CPNE3: variants seen among roughly 807,000 people sequenced by gnomAD.
CPNE3 encodes copine 3.
In CPNE3, 68 loss-of-function variants were observed where a neutral mutation model predicts 63.9. The ratio of observed to expected loss-of-function variants is 1.06; its 90% confidence interval spans 0.87 to 1.30. CPNE3 has a LOEUF of 1.30. Among genes scored for constraint, CPNE3 ranks in the 50% most tolerant of loss-of-function variants. The pLI, the probability that CPNE3 is intolerant of heterozygous loss-of-function variation, is 0.00. For missense variants in CPNE3, 665 were observed against 578.1 expected, an observed-to-expected ratio of 1.15 and a Z score of -1.54; for synonymous variants, 219 against 197.5, an observed-to-expected ratio of 1.11 and a Z score of -0.91.
In CPNE3 at chr8:86,559,999, G is replaced by A. The variant is rs1821403627; in HGVS notation, c.*1589G>A. On this transcript the variant is annotated 3_prime_UTR_variant, in exon 17 of 17. Coordinates refer to ENST00000517490, the MANE Select transcript of CPNE3 (RefSeq NM_003909.5). Reference sequence around the variant, plus strand: ...CTCATTGCCAAGGCCAGGCTGAGAGGGGACCTGCTTGCTGTGGTGGTTGCC... The same window carrying A: ...CTCATTGCCAAGGCCAGGCTGAGAGAGGACCTGCTTGCTGTGGTGGTTGCC... 6.6e-6 allele frequency: 1 copy of A among 152,204 alleles called. No homozygotes were observed. The highest frequency in any genetic ancestry group is 2.4e-5 in the African/African-American group (1 of 41,454). The allele number at this position is 152,204 out of a possible 1,614,324, so 9.4% of individuals were successfully genotyped here. A position where few individuals can be genotyped will look rare whatever the true frequency, so the allele number is the denominator to read the frequency against.
At chr8:86,545,873 AAC>A (rs1202411082) in intron 9 of CPNE3, among the ~76,000 whole-genome samples, 3 of 152,244 alleles carry the variant, frequency 2.0e-5, no homozygotes, top group Non-Finnish European at 4.4e-5. Flanking sequence ...ACTTGAAAAT[AAC>A]ACAGAGTATG....
intron 5 of CPNE3, among the ~76,000 whole-genome samples, chr8:86,531,510 T>C (rs540461394): frequency 1.3e-5 from 2 of 152,354 alleles, no homozygotes; most frequent in South Asian, 4.1e-4. Flanking sequence ...TGGAAGTGTC[T>C]ATTCTTACGT....
chr8:86,525,757 G>A (rs989799669), intron 2 of CPNE3, among the ~76,000 whole-genome samples: 5 of 152,036 alleles, frequency 3.3e-5, no homozygotes, highest in Non-Finnish European at 7.4e-5. Flanking sequence ...TTTTCTGCTG[G>A]CTGGTAGAGA....
At chr8:86,532,400 C>A in intron 5 of CPNE3, 109 bp from the exon 6 acceptor site, 1 of 641,218 alleles carries the variant, frequency 1.6e-6, no homozygotes, top group Non-Finnish European at 2.5e-6. Flanking sequence ...TTTTAGAATT[C>A]ATTTATATTA....
chr8:86,530,170 CTTT>C (rs71275863), intron 4 of CPNE3, among the ~76,000 whole-genome samples: 55 of 122,594 alleles, frequency 4.5e-4, no homozygotes, highest in Non-Finnish European at 4.3e-4. Flanking sequence ...AAATTGAATC[CTTT>C]TTTTTTTTTT....
rs963636067 is a variant in CPNE3, at chr8:86,560,485, A to C, written c.*2075A>C. On this transcript the variant is annotated 3_prime_UTR_variant, in exon 17 of 17. Coordinates refer to ENST00000517490, the MANE Select transcript of CPNE3 (RefSeq NM_003909.5). ...ACAAGGTGCTTGGGAACTGCTGGTT[A>C]TGAGCATTCCTGGTTTTCTTCAGCC... 1 of 152,210 alleles carries C rather than the reference A, an allele frequency of 6.6e-6. No individual in the cohort carries two copies. Among genetic ancestry groups the C allele is most frequent in the African/African-American group, 2.4e-5 (1 of 41,448 alleles). The allele number at this position is 152,210 out of a possible 1,614,324, so 9.4% of individuals were successfully genotyped here.
intron 7 of CPNE3, among the ~76,000 whole-genome samples, chr8:86,537,869 A>G (rs557849062): frequency 6.6e-6 from 1 of 152,020 alleles, no homozygotes; most frequent in Non-Finnish European, 1.5e-5. Context: ...AAAGAACACT[A>G]AATGTATTCC....
intron 14 of CPNE3, among the ~76,000 whole-genome samples, chr8:86,552,231 A>G (rs571730646): frequency 5.9e-4 from 90 of 152,300 alleles, no homozygotes; most frequent in Non-Finnish European, 1.1e-3. Flanking sequence ...TTCCTAAACA[A>G]TATTCATAAG....
chr8:86,549,154 T>C (rs1243966079), intron 12 of CPNE3, among the ~76,000 whole-genome samples: 1 of 152,224 alleles, frequency 6.6e-6, no homozygotes, highest in Non-Finnish European at 1.5e-5. Context: ...ATTATTATTT[T>C]ATTTACATAT....
chr8:86,529,593 T>C (rs1820624267), intron 4 of CPNE3, among the ~76,000 whole-genome samples: 1 of 152,192 alleles, frequency 6.6e-6, no homozygotes, highest in Admixed American at 6.5e-5. Flanking sequence ...CTAGATTAGT[T>C]TGGAATCCTT....
chr8:86,531,775 T>C (rs948643894), intron 5 of CPNE3, among the ~76,000 whole-genome samples: 2 of 152,220 alleles, frequency 1.3e-5, no homozygotes, highest in African/African-American at 4.8e-5. Context: ...GTATTTCACA[T>C]TTCCCATTAT....
At chr8:86,551,746 G>T (rs1438379042) in intron 14 of CPNE3, among the ~76,000 whole-genome samples, 1 of 152,166 alleles carries the variant, frequency 6.6e-6, no homozygotes, top group Non-Finnish European at 1.5e-5. Context: ...AAGGAACAAA[G>T]AATTGATCTT....
chr8:86,558,359 A>G lies in CPNE3; in HGVS notation c.1563A>G (p.Thr521=). The stretch of plus-strand genomic sequence containing the variant: ...AGCAGGTGGTGGGCTACTTCAATAC[A>G]TACAAACTCCTTCCTCCCAAGAACC... The part of the protein sequence containing the change: ...IPQQVVGYFN[T]YKLLPPKNPA... Residue 521 remains threonine (T), a synonymous_variant, in exon 17 of 17, where the codon ACA becomes ACG. Transcript: ENST00000517490. The G allele has an allele frequency of 2.3e-6, 2 of 872,956 alleles. No individual in the cohort carries two copies. The highest frequency in any genetic ancestry group is 1.3e-5 in the South Asian group (1 of 76,544). The allele number at this position is 872,956 out of a possible 1,614,324, so 54.1% of individuals were successfully genotyped here. A position where few individuals can be genotyped will look rare whatever the true frequency, so the allele number is the denominator to read the frequency against.
chr8:86,534,207 G>A (rs918239012), intron 6 of CPNE3, among the ~76,000 whole-genome samples: 4 of 151,862 alleles, frequency 2.6e-5, no homozygotes, highest in South Asian at 2.1e-4. Context: ...CTGTAACCTG[G>A]CAATTGAATC....
intron 7 of CPNE3, among the ~76,000 whole-genome samples, chr8:86,539,381 C>T (rs940911851): frequency 2.6e-5 from 4 of 152,200 alleles, no homozygotes; most frequent in Non-Finnish European, 5.9e-5. Flanking sequence ...AGTATTTAGA[C>T]ACTGACATCT....
chr8:86,555,199 T>C (rs568282026), intron 15 of CPNE3, among the ~76,000 whole-genome samples: 1 of 152,022 alleles, frequency 6.6e-6, no homozygotes, highest in African/African-American at 2.4e-5. Context: ...ATGAGTCTTT[T>C]ATCCTTGGAA....
At chr8:86,538,861 G>C (rs35584329) in intron 7 of CPNE3, among the ~76,000 whole-genome samples, 6,501 of 152,246 alleles carry the variant, frequency 0.043, 190 homozygotes, top group African/African-American at 0.071. Context: ...ATCTCACCAT[G>C]ATAAGGTCTC....
rs1821057797 is a variant in CPNE3 at position 86,546,637 on chromosome 8, A to G, written c.775A>G (p.Lys259Glu). The G allele has an allele frequency of 6.2e-7, 1 of 1,613,744 alleles. No individual in the cohort carries two copies. The highest frequency in any genetic ancestry group is 8.5e-7 in the Non-Finnish European group (1 of 1,179,952). The change falls in exon 10 of 17, where the codon AAA becomes GAA. Residue 259 changes from lysine (K) to glutamate (E), a missense_variant. Coordinates refer to ENST00000517490, the MANE Select transcript of CPNE3 (RefSeq NM_003909.5). ...CINEKKRQKK[K>E]SYKNSGVISV... ...AAATGAGAAAAAAAGGCAAAAGAAA[A>G]AAAGCTACAAGAATTCAGGTGTTAT...
Position 86,532,493 on chromosome 8 carries a change from C to T in CPNE3, c.388-16C>T. On this transcript the variant is annotated splice_polypyrimidine_tract_variant and intron_variant, in intron 5 of 16. Transcript: ENST00000517490. ...CCTAAAACATATTTTCTTTCACTTA[C>T]CTGATCTACTCATAGATTTCAGCTG... The T allele has an allele frequency of 3.8e-6, 6 of 1,597,084 alleles. No individual in the cohort carries two copies. In the African/African-American group the frequency reaches 8.1e-5, roughly 22 times the overall value.
Sources: gnomAD v4.1 joint callset for allele counts (sites outside exome capture counted in the v4.1 genomes callset) on GRCh38, gnomAD v4.1.1 for gene constraint, MANE v1.5 for transcripts, NCBI Gene and HGNC (gene_info 2026-07-23, HGNC 2026-07-21) for gene names.